Variants in ZFR2 observed in about 807,000 individuals in gnomAD.
ZFR2 encodes zinc finger RNA-binding protein 2.
ZFR2 carries 104 observed loss-of-function variants against 105.7 expected under a neutral mutation model. The ratio of observed to expected loss-of-function variants is 0.98; its 90% confidence interval spans 0.84 to 1.16. The LOEUF (loss-of-function observed/expected upper bound fraction) is 1.16. ZFR2 is among the 50% of genes most tolerant of loss of function. ZFR2 has a pLI of 0.00. For synonymous variants in ZFR2, 634 were observed against 597.7 expected (o/e 1.06, Z -0.89); for missense variants, 1,425 against 1,355.5 (o/e 1.05, Z -0.80).
At chr19:3,867,303 T>TTGGG (rs2145201968) in intron 1 of ZFR2, among the ~76,000 whole-genome samples, 1 of 51,492 alleles carries the variant, frequency 1.9e-5, no homozygotes, top group African/African-American at 1.2e-4. Flanking sequence ...TGATCAACTG[T>TTGGG]TGGGGGGGGA....
At chr19:3,816,579 C>T (rs2037826515) in intron 13 of ZFR2, 95 bp downstream of exon 13, 5 of 1,466,568 alleles carry the variant, frequency 3.4e-6, no homozygotes, top group African/African-American at 2.8e-5. Flanking sequence ...TGTGTAGTAA[C>T]AAAGGTCCCC....
intron 18 of ZFR2, among the ~76,000 whole-genome samples, chr19:3,806,655 C>T (rs2037700173): frequency 6.6e-6 from 1 of 152,160 alleles, no homozygotes; most frequent in Admixed American, 6.6e-5. Context: ...CCCAGGAGGC[C>T]CCCCCGCTCC....
At chr19:3,868,114 T>C (rs1167549102) in intron 1 of ZFR2, among the ~76,000 whole-genome samples, 1 of 148,588 alleles carries the variant, frequency 6.7e-6, no homozygotes, top group East Asian at 2.0e-4. Context: ...GTCTGAATTC[T>C]CTCCCCCTAC....
At chr19:3,833,309 G>T (rs997420346) in intron 3 of ZFR2, among the ~76,000 whole-genome samples, 15 of 151,372 alleles carry the variant, frequency 9.9e-5, no homozygotes, top group African/African-American at 2.4e-4. Context: ...GGGCATGGTG[G>T]CTCACGCCTG....
rs10605531 is a variant in ZFR2, at chr19:3,817,567, GATAATAATAATA to G, written c.1932-734_1932-723del. On this transcript the variant is annotated intron_variant, in intron 12 of 18. Transcript: ENST00000262961. ...GAGCAAGACTCCATCTCAAAATAATGATAATAATAATAATAATAATAATAATAATAATAATAA... is the reference window on the plus strand; with the variant it reads ...GAGCAAGACTCCATCTCAAAATAATGATAATAATAATAATAATAATAATAA... 6.0e-3 allele frequency among the ~76,000 whole-genome samples: 740 copies of G among 124,012 alleles called. 5 individuals carry two copies. The highest frequency in any genetic ancestry group is 0.014 in the South Asian group (51 of 3,640). 81.4% of individuals were successfully genotyped at this position (124,012 alleles called of 152,430 possible). A position where few individuals can be genotyped will look rare whatever the true frequency, so the allele number is the denominator to read the frequency against.
rs756913067 is a variant in ZFR2 at position 3,823,054 on chromosome 19, C to A, written c.1371+192G>T. Among the ~76,000 whole-genome samples the A allele has an allele frequency of 1.3e-5, 2 of 152,228 alleles. No homozygotes were observed. The highest frequency in any genetic ancestry group is 2.9e-5 in the Non-Finnish European group (2 of 68,034). Reference sequence around the variant, plus strand: ...GGGCCATATTCATTTCCTGCTGATACCAAAATCCGGCACCCAAAGTGTCAA... The same window carrying A: ...GGGCCATATTCATTTCCTGCTGATAACAAAATCCGGCACCCAAAGTGTCAA... On this transcript the variant is annotated intron_variant, in intron 8 of 18. Transcript: ENST00000262961. This position sits in a 1 kb window ranked among gnomAD's most constrained non-coding sequence, Gnocchi z 5.4.
intron 1 of ZFR2, among the ~76,000 whole-genome samples, chr19:3,863,439 G>A (rs945466803): frequency 6.6e-6 from 1 of 151,980 alleles, no homozygotes; most frequent in African/African-American, 2.4e-5. Flanking sequence ...TTTTTTTATT[G>A]TTTTTTGAGA....
intron 3 of ZFR2, among the ~76,000 whole-genome samples, chr19:3,833,204 G>A (rs1305620149): frequency 1.0e-4 from 15 of 144,768 alleles, no homozygotes; most frequent in Non-Finnish European, 1.6e-4. Flanking sequence ...AGCTGAGATC[G>A]CACCACTGCA....
intron 1 of ZFR2, among the ~76,000 whole-genome samples, chr19:3,864,630 A>G (rs1409574904): frequency 6.6e-6 from 1 of 152,158 alleles, no homozygotes; most frequent in Non-Finnish European, 1.5e-5. Flanking sequence ...ACATACTTTC[A>G]TGACTAGTGT....
At chr19:3,855,444 T>C in intron 1 of ZFR2, 3 of 1,231,702 alleles carry the variant, frequency 2.4e-6, no homozygotes, top group Non-Finnish European at 3.0e-6. Flanking sequence ...CGGCGGCAGA[T>C]TCATTGAGTC....
At chr19:3,856,097 G>A (rs896930055) in intron 1 of ZFR2, among the ~76,000 whole-genome samples, 2 of 152,212 alleles carry the variant, frequency 1.3e-5, no homozygotes, top group African/African-American at 4.8e-5. Flanking sequence ...CGGTGGAGGC[G>A]GTGCGCGTGC....
intron 3 of ZFR2, among the ~76,000 whole-genome samples, chr19:3,833,248 CAA>C (rs1206859994): frequency 6.6e-5 from 5 of 75,258 alleles, no homozygotes; most frequent in Non-Finnish European, 1.2e-4. Flanking sequence ...GACTCCGTCT[CAA>C]AAAAAAAAAA....
chr19:3,812,877 G>A (rs2037781559), intron 14 of ZFR2, among the ~76,000 whole-genome samples: 1 of 152,098 alleles, frequency 6.6e-6, no homozygotes, highest in Non-Finnish European at 1.5e-5. Context: ...TCAGGAGTTC[G>A]AGACCAACCT....
At chr19:3,857,801 T>C (rs1467704929) in intron 1 of ZFR2, among the ~76,000 whole-genome samples, 1 of 151,846 alleles carries the variant, frequency 6.6e-6, no homozygotes, top group Non-Finnish European at 1.5e-5. Flanking sequence ...GAGTCACCTG[T>C]TGCTGGAAGG....
At position 3,822,188 on chromosome 19, in the gene ZFR2, C is replaced by A. The variant is rs750499948; in HGVS notation, c.1384G>T (p.Glu462Ter). ...PEYVEEVFSDEGRVLRFHCKL... is the reference protein window; with the variant it reads ...PEYVEEVFSD The stretch of plus-strand genomic sequence containing the variant: ...CAGTGGAAGCGAAGCACTCGCCCTT[C>A]GTCGCTGAACACCTGAGACACAGAA... The change falls in exon 9 of 19, where the codon GAA (glutamate) becomes TAA (stop). Residue 462 changes from glutamate to a stop codon, truncating the protein, a stop_gained. Transcript: ENST00000262961. LOFTEE classifies it high-confidence loss of function. The A allele has an allele frequency of 6.3e-7, 1 of 1,595,276 alleles. No homozygotes were observed. Among genetic ancestry groups the A allele is most frequent in the East Asian group, 2.3e-5 (1 of 43,782 alleles).
rs1007797780 is a variant in ZFR2 at position 3,813,277 on chromosome 19, G to A, written c.2242+543C>T. Among the ~76,000 whole-genome samples the A allele has an allele frequency of 9.2e-5, 14 of 152,222 alleles. No homozygotes were observed. The highest frequency in any genetic ancestry group is 1.9e-4 in the Non-Finnish European group (13 of 68,044). ...CACAGACGTGCAGTGTGTTACTGATGCCTGTCTTCGCTGTGGCCGCTGGCC... is the reference window on the plus strand; with the variant it reads ...CACAGACGTGCAGTGTGTTACTGATACCTGTCTTCGCTGTGGCCGCTGGCC... On this transcript the variant is annotated intron_variant, in intron 14 of 18. Transcript: ENST00000262961. The surrounding 1 kb of genome is among the most constrained non-coding windows in gnomAD (Gnocchi z 4.4).
At chr19:3,836,234 A>AT (rs371896068) in intron 1 of ZFR2, among the ~76,000 whole-genome samples, 10 of 152,038 alleles carry the variant, frequency 6.6e-5, no homozygotes, top group Non-Finnish European at 1.5e-4. Flanking sequence ...GTACAGATGC[A>AT]TTTTTTTCCC....
At chr19:3,812,223 C>T (rs113223398) in intron 14 of ZFR2, among the ~76,000 whole-genome samples, 12,939 of 152,178 alleles carry the variant, frequency 0.085, 702 homozygotes, top group South Asian at 0.16. Flanking sequence ...GGATTACAGG[C>T]GTGAGCCACC....
In ZFR2 at chr19:3,834,981, G is replaced by C. The variant is rs548604043; in HGVS notation, c.56C>G (p.Ala19Gly). The change falls in exon 2 of 19, where the codon GCC becomes GGC. Residue 19 changes from alanine (A) to glycine (G), a missense_variant and splice_region_variant. Ala to Gly is a moderately conservative substitution (Grantham distance 60, BLOSUM62 0). Coordinates refer to ENST00000262961, the MANE Select transcript of ZFR2 (RefSeq NM_015174.2). This position sits in a 1 kb window ranked among gnomAD's most constrained non-coding sequence, Gnocchi z 5.3. ...FAQGGGPQYSAQPPTLPLPTV... is the reference protein window; with the variant it reads ...FAQGGGPQYSGQPPTLPLPTV... ...GGGCAGGGGAAGGGTCGGAGGCTGG[G>C]CGCTAGAACCACAAACACACACCAA... 28 of 1,608,148 alleles carry C rather than the reference G, an allele frequency of 1.7e-5. No homozygotes were observed. In the East Asian group the frequency reaches 5.8e-4, roughly 33 times the overall value.
Sources: gnomAD v4.1 joint callset for allele counts (sites outside exome capture counted in the v4.1 genomes callset) on GRCh38, gnomAD v4.1.1 for gene constraint, Gnocchi (gnomAD v3.1) non-coding constraint, MANE v1.5 for transcripts, NCBI Gene and HGNC (gene_info 2026-07-23, HGNC 2026-07-21) for gene names.